The following TECRL variants were observed in gnomAD, a reference collection of about 807,000 sequenced individuals.
The protein encoded by TECRL is trans-2,3-enoyl-CoA reductase like.
In TECRL, 63 loss-of-function variants were observed where a neutral mutation model predicts 52.8. That is an observed-to-expected ratio of 1.19 (90% CI 0.97 to 1.47). TECRL has a LOEUF of 1.47. Among genes scored for constraint, TECRL ranks in the 40% most tolerant of loss-of-function variants. The pLI is 0.00. For synonymous variants in TECRL, 164 were observed against 141.9 expected, an observed-to-expected ratio of 1.16 and a Z score of -1.10; for missense variants, 482 against 429.6, an observed-to-expected ratio of 1.12 and a Z score of -1.08.
intron 7 of TECRL, among the ~76,000 whole-genome samples, chr4:64,302,691 T>A (rs2109980519): frequency 6.6e-6 from 1 of 151,492 alleles, no homozygotes; most frequent in South Asian, 2.1e-4. Context: ...ATTGGATCAA[T>A]TGTCTGTTTT....
chr4:64,352,119 A>G (rs1180507800), intron 2 of TECRL, among the ~76,000 whole-genome samples: 1 of 152,196 alleles, frequency 6.6e-6, no homozygotes, highest in Non-Finnish European at 1.5e-5. Flanking sequence ...ATGGTGTTAG[A>G]AGCTAGCTGT....
intron 7 of TECRL, among the ~76,000 whole-genome samples, chr4:64,301,059 AAT>A (rs1229887955): frequency 3.3e-5 from 5 of 150,826 alleles, no homozygotes; most frequent in Non-Finnish European, 6.0e-5. Flanking sequence ...ATATTCATAG[AAT>A]ATATATATAC....
chr4:64,339,204 G>C (rs1433560826), intron 2 of TECRL, among the ~76,000 whole-genome samples: 6 of 147,280 alleles, frequency 4.1e-5, no homozygotes, highest in African/African-American at 1.5e-4. Flanking sequence ...AACACCACAT[G>C]TTCTCACTCA....
chr4:64,358,718 T>C (rs951366316), intron 2 of TECRL, among the ~76,000 whole-genome samples: 2 of 151,788 alleles, frequency 1.3e-5, no homozygotes, highest in African/African-American at 4.8e-5. Flanking sequence ...CAACATAACA[T>C]ACACAAATTG....
At chr4:64,328,127 C>T (rs913890569) in intron 3 of TECRL, among the ~76,000 whole-genome samples, 6 of 151,730 alleles carry the variant, frequency 4.0e-5, no homozygotes, top group African/African-American at 1.2e-4. Flanking sequence ...AGTTTTGTTC[C>T]TTATGTCACT....
At chr4:64,387,498 A>G (rs569727263) in intron 1 of TECRL, among the ~76,000 whole-genome samples, 1 of 152,230 alleles carries the variant, frequency 6.6e-6, no homozygotes, top group South Asian at 2.1e-4. Flanking sequence ...TTGCCTTCCA[A>G]ATGGCTTTAC....
intron 1 of TECRL, among the ~76,000 whole-genome samples, chr4:64,392,338 C>T (rs571274035): frequency 5.3e-5 from 8 of 151,874 alleles, no homozygotes; most frequent in Non-Finnish European, 7.4e-5. Flanking sequence ...TATTTATTTG[C>T]GTCTACACTT....
At chr4:64,359,129 T>C (rs1277570865) in intron 2 of TECRL, among the ~76,000 whole-genome samples, 1 of 151,966 alleles carries the variant, frequency 6.6e-6, no homozygotes, top group Non-Finnish European at 1.5e-5. Flanking sequence ...CATTTTTATA[T>C]TACTCCTCAT....
chr4:64,284,742 T>C (rs1204507686), intron 9 of TECRL, among the ~76,000 whole-genome samples: 2 of 152,106 alleles, frequency 1.3e-5, no homozygotes, highest in Non-Finnish European at 2.9e-5. Flanking sequence ...AGCTAGATAG[T>C]TGGATACCCA....
At chr4:64,339,589 C>T (rs575726671) in intron 2 of TECRL, among the ~76,000 whole-genome samples, 1 of 151,988 alleles carries the variant, frequency 6.6e-6, no homozygotes, top group Admixed American at 6.6e-5. Context: ...ATTAGCATAG[C>T]ACATCCTCTC....
Position 64,316,735 on chromosome 4 carries a change from T to A in TECRL, c.436-1972A>T, listed in dbSNP as rs570969338. On this transcript the variant is annotated intron_variant, in intron 4 of 11. Transcript: ENST00000381210. ...TAGAAACTCCCCTATAATACAGAAT[T>A]ATACTGAAGACTATATTCTAAAGAG... Among the ~76,000 whole-genome samples the A allele has an allele frequency of 2.0e-5, 3 of 152,262 alleles. No individual in the cohort carries two copies. The East Asian group carries it at 5.8e-4, about 29-fold the overall frequency.
At position 64,278,158 on chromosome 4, in the gene TECRL, A is replaced by G. The variant is rs922979520; in HGVS notation, c.*1914T>C. ...TAATTTACATACAAATATAATCTATATATTTCAAAATATATATTTAGAATG... is the reference window on the plus strand; with the variant it reads ...TAATTTACATACAAATATAATCTATGTATTTCAAAATATATATTTAGAATG... On this transcript the variant is annotated 3_prime_UTR_variant, in exon 12 of 12. Coordinates refer to ENST00000381210, the MANE Select transcript of TECRL (RefSeq NM_001010874.5). 5 of 151,598 alleles carry G rather than the reference A, an allele frequency of 3.3e-5. No homozygotes were observed. Among genetic ancestry groups the G allele is most frequent in the African/African-American group, 1.2e-4 (5 of 41,388 alleles). The allele number at this position is 151,598 out of a possible 1,614,324, so 9.4% of individuals were successfully genotyped here. A position where few individuals can be genotyped will look rare whatever the true frequency, so the allele number is the denominator to read the frequency against.
intron 4 of TECRL, among the ~76,000 whole-genome samples, chr4:64,316,178 T>A (rs950138206): frequency 6.6e-6 from 1 of 152,118 alleles, no homozygotes; most frequent in East Asian, 1.9e-4. Flanking sequence ...ATCAGGAATA[T>A]AAAATGTTGT....
rs1719051623 is a variant in TECRL at position 64,335,995 on chromosome 4, A to G, written c.287-7439T>C. ...TTTTTTTGGTTGTTGTGTCTCTGCC[A>G]GCCTTTGGTATCAGGATGACGCTGG... On this transcript the variant is annotated intron_variant, in intron 2 of 11. Coordinates refer to ENST00000381210, the MANE Select transcript of TECRL (RefSeq NM_001010874.5). Among the ~76,000 whole-genome samples, 5 of 152,164 alleles carry G rather than the reference A, an allele frequency of 3.3e-5. No individual in the cohort carries two copies. In the South Asian group the frequency reaches 1.0e-3, roughly 32 times the overall value.
chr4:64,409,279 T>C lies in TECRL; in HGVS notation c.73A>G (p.Ile25Val). Residue 25 changes from isoleucine to valine, a missense_variant, in exon 1 of 12, where the codon ATA becomes GTA. By Grantham distance (29) the Ile-to-Val change is conservative. Coordinates refer to ENST00000381210, the MANE Select transcript of TECRL (RefSeq NM_001010874.5). ...AAATTTCTCATATCATCCTTCAGTA[T>C]GAACCGTGTAGCTCTTTGGGAAAGT... ...ALLSQRATRF[I>V]LKDDMRNFHF... is the part of the protein sequence containing the mutation. The C allele has an allele frequency of 6.2e-7, 1 of 1,613,888 alleles. No individual in the cohort carries two copies. The highest frequency in any genetic ancestry group is 1.3e-5 in the African/African-American group (1 of 75,026).
At chr4:64,321,005 G>T (rs1277232065) in intron 4 of TECRL, among the ~76,000 whole-genome samples, 1 of 151,742 alleles carries the variant, frequency 6.6e-6, no homozygotes, top group Non-Finnish European at 1.5e-5. Context: ...TCATTTATTT[G>T]TTTGTTCAAA....
At chr4:64,329,785 C>T (rs1718504539) in intron 2 of TECRL, among the ~76,000 whole-genome samples, 1 of 151,474 alleles carries the variant, frequency 6.6e-6, no homozygotes, top group Admixed American at 6.6e-5. Flanking sequence ...TAAATAAATA[C>T]CCCAAATATA....
intron 2 of TECRL, among the ~76,000 whole-genome samples, chr4:64,331,856 T>C (rs935134446): frequency 2.0e-5 from 3 of 151,954 alleles, no homozygotes; most frequent in Middle Eastern, 3.4e-3. Context: ...AAAGATAGAT[T>C]AAAAGAAATA....
intron 1 of TECRL, among the ~76,000 whole-genome samples, chr4:64,382,243 G>A (rs953652151): frequency 2.5e-4 from 32 of 127,610 alleles, no homozygotes; most frequent in African/African-American, 9.7e-4. Flanking sequence ...ATAGTATTAT[G>A]TATATATAAT....
Sources: allele counts gnomAD v4.1 joint callset (sites outside exome capture counted in the v4.1 genomes callset), GRCh38; gene constraint gnomAD v4.1.1; transcripts MANE v1.5; gene names NCBI Gene and HGNC (gene_info 2026-07-23, HGNC 2026-07-21).